Variants in CTNNA2 observed in about 807,000 individuals in gnomAD.
CTNNA2 encodes the protein catenin alpha-2.
CTNNA2 carries 42 observed loss-of-function variants against 101.0 expected under a neutral mutation model. The observed-to-expected ratio is 0.42, with a 90% CI of 0.32 to 0.54. The LOEUF is 0.54. Ranked by LOEUF, CTNNA2 falls within the 20% of genes least tolerant of loss-of-function variation. The pLI is 0.14. For missense variants in CTNNA2, 871 were observed against 1,223.1 expected, an observed-to-expected ratio of 0.71 and a Z score of 4.29; for synonymous variants, 450 against 456.4, an observed-to-expected ratio of 0.99 and a Z score of 0.18.
upstream of CTNNA2, among the ~76,000 whole-genome samples, chr2:79,511,667 A>T (rs1400776298): frequency 6.6e-6 from 1 of 152,192 alleles, no homozygotes; most frequent in African/African-American, 2.4e-5. Flanking sequence ...ATTGGGAGAG[A>T]AAGATAGAGG....
chr2:80,267,521 C>T (rs1258731515), intron 7 of CTNNA2, among the ~76,000 whole-genome samples: 4 of 152,100 alleles, frequency 2.6e-5, no homozygotes, highest in African/African-American at 9.7e-5. Flanking sequence ...AACATACTTC[C>T]CCTGCCATCA....
chr2:79,729,881 A>T lies in CTNNA2; in HGVS notation c.103-14506A>T, dbSNP rs1476577495. On this transcript the variant is annotated intron_variant, in intron 2 of 18. Coordinates refer to ENST00000402739, the MANE Select transcript of CTNNA2 (RefSeq NM_001282597.3). ...TTTGTAATTTAATGGAAGAATAATA[A>T]TGTACACTTACACATCAAAATCAGA... Among the ~76,000 whole-genome samples, 4 of 152,246 alleles carry T rather than the reference A, an allele frequency of 2.6e-5. No individual in the cohort carries two copies. The East Asian group carries it at 7.7e-4, about 29-fold the overall frequency.
chr2:80,107,471 G>T (rs980375949), intron 7 of CTNNA2, among the ~76,000 whole-genome samples: 1 of 152,094 alleles, frequency 6.6e-6, no homozygotes, highest in African/African-American at 2.4e-5. Context: ...GAGATGGCCG[G>T]ACATCAGGGA....
At position 79,744,363 on chromosome 2, in the gene CTNNA2, T is replaced by C. The variant is rs752522908; in HGVS notation, c.103-24T>C. 8 of 1,572,078 alleles carry C rather than the reference T, an allele frequency of 5.1e-6. No homozygotes were observed. The East Asian group carries it at 1.6e-4, about 31-fold the overall frequency. On this transcript the variant is annotated intron_variant, in intron 2 of 18. Transcript: ENST00000402739. ...TCTAGACAGTTTTGCAAAGAAGTTT[T>C]ACAGTTTCTCTTTTATATTTAAGGT...
Position 80,303,599 on chromosome 2 carries a change from T to C in CTNNA2, c.1057-89612T>C. The C allele has an allele frequency of 1.9e-6, 3 of 1,614,152 alleles. No individual in the cohort carries two copies. Among genetic ancestry groups the C allele is most frequent in the Non-Finnish European group, 2.5e-6 (3 of 1,180,022 alleles). ...GGCGCGCAGCTCCGAGAGGCTGTTG[T>C]AGCGCAGGGACAAGCCCAGCAGGCC... On this transcript the variant is annotated intron_variant, in intron 7 of 18. Transcript: ENST00000402739. The surrounding 1 kb of genome is among the most constrained non-coding windows in gnomAD (Gnocchi z 7.7).
intron 7 of CTNNA2, among the ~76,000 whole-genome samples, chr2:80,342,664 T>G (rs962767763): frequency 2.5e-4 from 38 of 152,348 alleles, no homozygotes; most frequent in African/African-American, 8.9e-4. Flanking sequence ...TCATACAAAA[T>G]TTCAAATTAT....
intron 3 of CTNNA2, among the ~76,000 whole-genome samples, chr2:79,797,041 A>G (rs2105279535): frequency 6.6e-6 from 1 of 152,314 alleles, no homozygotes; most frequent in African/African-American, 2.4e-5. Context: ...CATTAAGGTC[A>G]TTACATTATG....
chr2:79,924,639 G>A (rs1686899588), intron 7 of CTNNA2, among the ~76,000 whole-genome samples: 1 of 152,040 alleles, frequency 6.6e-6, no homozygotes, highest in Non-Finnish European at 1.5e-5. Context: ...TGGTTGTTTT[G>A]TACCCTAACT....
intron 3 of CTNNA2, among the ~76,000 whole-genome samples, chr2:79,343,087 G>T (rs529783325): frequency 2.0e-5 from 3 of 152,168 alleles, no homozygotes; most frequent in South Asian, 2.1e-4. Context: ...TTATGTACAA[G>T]GTTATTCATT....
At chr2:79,692,319 G>A (rs1037179892) in intron 2 of CTNNA2, among the ~76,000 whole-genome samples, 39 of 152,264 alleles carry the variant, frequency 2.6e-4, no homozygotes, top group African/African-American at 9.1e-4. Flanking sequence ...ACCACAGTGA[G>A]ATACCATCTC....
chr2:79,910,109 T>C (rs578059501), intron 7 of CTNNA2, among the ~76,000 whole-genome samples: 99 of 152,280 alleles, frequency 6.5e-4, no homozygotes, highest in Non-Finnish European at 1.0e-3. Context: ...TTGGTAAAGG[T>C]AGATGATTGA....
chr2:79,433,266 G>T (rs562353916), intron 4 of CTNNA2, among the ~76,000 whole-genome samples: 25 of 152,118 alleles, frequency 1.6e-4, no homozygotes, highest in Non-Finnish European at 3.1e-4. Flanking sequence ...CCAAATTTTG[G>T]GGGGAACAGG....
At position 79,962,237 on chromosome 2, in the gene CTNNA2, T is replaced by G. The variant is rs533813548; in HGVS notation, c.1056+52440T>G. Among the ~76,000 whole-genome samples the G allele has an allele frequency of 3.3e-5, 5 of 152,372 alleles. 1 individual carries two copies. Among genetic ancestry groups the G allele is most frequent in the African/African-American group, 1.2e-4 (5 of 41,594 alleles). On this transcript the variant is annotated intron_variant, in intron 7 of 18. Transcript: ENST00000402739. ...GCTGGGAATTCCAAGATCAAGACACTGGCAGATTTGGAGTCTGGCGATGGC... is the reference window on the plus strand; with the variant it reads ...GCTGGGAATTCCAAGATCAAGACACGGGCAGATTTGGAGTCTGGCGATGGC...
rs561256484 is a variant in CTNNA2, at chr2:79,440,817, C to T, written c.-134-64237C>T. The stretch of plus-strand genomic sequence containing the variant: ...TCTGCTGATCATTGACTGACAGCCC[C>T]AGGAATCAGGTAGAACACCATAAAG... On this transcript the variant is annotated intron_variant, in intron 4 of 21. Transcript: ENST00000466387. Among the ~76,000 whole-genome samples, 17 of 152,238 alleles carry T rather than the reference C, an allele frequency of 1.1e-4. No individual in the cohort carries two copies. The South Asian group carries it at 3.3e-3, about 30-fold the overall frequency.
chr2:79,519,851 G>T (rs1410876052), intron 1 of CTNNA2, among the ~76,000 whole-genome samples: 2 of 152,262 alleles, frequency 1.3e-5, no homozygotes, highest in East Asian at 3.9e-4. Flanking sequence ...GTACAAGTCA[G>T]TTGCTACCAC....
At chr2:79,185,954 C>G (rs1033116928) in intron 1 of CTNNA2, among the ~76,000 whole-genome samples, 2 of 152,176 alleles carry the variant, frequency 1.3e-5, no homozygotes, top group Non-Finnish European at 2.9e-5. Flanking sequence ...AGACAGCACA[C>G]CAGCAGCTGC....
chr2:79,621,249 A>G (rs1391458670), intron 1 of CTNNA2, among the ~76,000 whole-genome samples: 2 of 152,178 alleles, frequency 1.3e-5, no homozygotes, highest in Non-Finnish European at 2.9e-5. Context: ...GAGAGGACCT[A>G]GAAGCAATGA....
chr2:80,380,768 T>C (rs556193647), intron 7 of CTNNA2, among the ~76,000 whole-genome samples: 14 of 152,304 alleles, frequency 9.2e-5, no homozygotes, highest in Middle Eastern at 3.4e-3. Context: ...AGTGTATGAC[T>C]GGATGTAATA....
chr2:79,613,667 C>A (rs1286807838), intron 1 of CTNNA2, among the ~76,000 whole-genome samples: 2 of 151,990 alleles, frequency 1.3e-5, no homozygotes, highest in African/African-American at 4.8e-5. Flanking sequence ...GTATCATATT[C>A]TTTTTTCAAC....
Sources: gnomAD v4.1 joint callset for allele counts (sites outside exome capture counted in the v4.1 genomes callset) on GRCh38, gnomAD v4.1.1 for gene constraint, Gnocchi (gnomAD v3.1) non-coding constraint, MANE v1.5 for transcripts, NCBI Gene and HGNC (gene_info 2026-07-23, HGNC 2026-07-21) for gene names.